Variants in SMARCAL1 observed in about 807,000 individuals in gnomAD.
SMARCAL1 encodes the protein SNF2 related chromatin remodeling annealing helicase 1.
SMARCAL1 carries 58 observed loss-of-function variants against 94.5 expected under a neutral mutation model. The observed-to-expected ratio is 0.61, with a 90% CI of 0.50 to 0.76. The LOEUF (loss-of-function observed/expected upper bound fraction) is 0.76. Ranked by LOEUF, SMARCAL1 falls within the 30% of genes least tolerant of loss-of-function variation. The pLI is 0.00. For synonymous variants in SMARCAL1, 422 were observed against 455.1 expected (o/e 0.93, Z 0.93); for missense variants, 1,051 against 1,177.9 (o/e 0.89, Z 1.58).
At chr2:216,448,909 A>G (rs1203615491) in intron 11 of SMARCAL1, among the ~76,000 whole-genome samples, 1 of 152,170 alleles carries the variant, frequency 6.6e-6, no homozygotes, top group Non-Finnish European at 1.5e-5. Context: ...GTTAAGAGCT[A>G]ACAATATTAG....
chr2:216,452,895 A>G (rs1399804882), intron 12 of SMARCAL1, among the ~76,000 whole-genome samples: 1 of 152,186 alleles, frequency 6.6e-6, no homozygotes, highest in African/African-American at 2.4e-5. Context: ...GATGCTATGA[A>G]ATTAACTAGG....
At position 216,415,141 on chromosome 2, in the gene SMARCAL1, G is replaced by A; in HGVS notation, c.437G>A (p.Gly146Asp). 6.2e-7 allele frequency: 1 copy of A among 1,612,812 alleles called. No individual in the cohort carries two copies. The highest frequency in any genetic ancestry group is 1.1e-5 in the South Asian group (1 of 91,048). The part of the protein sequence containing the change: ...QQLLSYELGQ[G>D]HAQASPEIRF... ...CTCTTGAGTTATGAGTTAGGTCAAG[G>A]TCATGCTCAGGCTTCACCTGAGATC... Residue 146 changes from glycine (G) to aspartate (D), a missense_variant, in exon 3 of 18, where the codon GGT becomes GAT. By Grantham distance (94) the Gly-to-Asp change is moderately conservative. Around this residue, in one of 3 missense-constraint regions of SMARCAL1, gnomAD observed 398 missense variants for 395.2 expected, o/e 1.01. Transcript: ENST00000357276.
Position 216,438,471 on chromosome 2 carries a change from A to C in SMARCAL1, c.1696A>C (p.Met566Leu), listed in dbSNP as rs776299636. 1.9e-6 allele frequency: 3 copies of C among 1,613,974 alleles called. No homozygotes were observed. Among genetic ancestry groups the C allele is most frequent in the Non-Finnish European group, 2.5e-6 (3 of 1,179,924 alleles). ...NSRTARCRAAMPVLKVAKRVI... is the reference protein window; with the variant it reads ...NSRTARCRAALPVLKVAKRVI... Reference sequence around the variant, plus strand: ...TAGGACTGCCCGCTGTCGAGCAGCTATGCCGGTCCTAAAGGTGAGTACTTC... The same window carrying C: ...TAGGACTGCCCGCTGTCGAGCAGCTCTGCCGGTCCTAAAGGTGAGTACTTC... The change falls in exon 10 of 18, where the codon ATG (methionine) becomes CTG (leucine). Residue 566 changes from methionine to leucine, a missense_variant. This residue lies in a region of SMARCAL1 where 642 missense variants were observed against 754.7 expected (regional missense o/e 0.85). Coordinates refer to ENST00000357276, the MANE Select transcript of SMARCAL1 (RefSeq NM_014140.4).
intron 12 of SMARCAL1, among the ~76,000 whole-genome samples, chr2:216,463,279 G>A (rs1694747481): frequency 6.6e-6 from 1 of 152,190 alleles, no homozygotes; most frequent in African/African-American, 2.4e-5. Context: ...CTTTTGTGCT[G>A]TAACAAAATA....
In SMARCAL1 at chr2:216,428,761, C is replaced by T; in HGVS notation, c.1313C>T (p.Pro438Leu). 1 of 1,614,126 alleles carries T rather than the reference C, an allele frequency of 6.2e-7. No individual in the cohort carries two copies. Among genetic ancestry groups the T allele is most frequent in the Non-Finnish European group, 8.5e-7 (1 of 1,179,986 alleles). ...CCCAAGCTCGTGTCTAATCTGATGC[C>T]CTTTCAGAGAGCTGGAGTCAAGTAG... ...VDPKLVSNLM[P>L]FQRAGVNFAI... Residue 438 changes from proline (P) to leucine (L), a missense_variant, in exon 7 of 18, where the codon CCC becomes CTC. This residue lies in a region of SMARCAL1 where 642 missense variants were observed against 754.7 expected (regional missense o/e 0.85). Transcript: ENST00000357276.
rs745722245 is a variant in SMARCAL1, at chr2:216,482,931, G to A, written c.2819G>A (p.Arg940Lys). 3.1e-6 allele frequency: 5 copies of A among 1,614,116 alleles called. No homozygotes were observed. The highest frequency in any genetic ancestry group is 4.5e-5 in the East Asian group (2 of 44,902). ...ACAGCCAGTCCACAGAAGAAAAGGA[G>A]ATTTGAATTTTTTGATAACTGGGAC... ...SLTASPQKKR[R>K]FEFFDNWDSF... The change falls in exon 18 of 18, where the codon AGA (arginine) becomes AAA (lysine). Residue 940 changes from arginine (R) to lysine (K), a missense_variant. Transcript: ENST00000357276. The surrounding 1 kb of genome is among the most constrained non-coding windows in gnomAD (Gnocchi z 4.3).
intron 12 of SMARCAL1, among the ~76,000 whole-genome samples, chr2:216,455,177 T>C (rs1360397842): frequency 6.6e-6 from 1 of 152,104 alleles, no homozygotes; most frequent in East Asian, 1.9e-4. Context: ...TTGCTGAGGC[T>C]TGAGTAGGTA....
chr2:216,455,745 G>T (rs1300053512), intron 12 of SMARCAL1, among the ~76,000 whole-genome samples: 2 of 152,164 alleles, frequency 1.3e-5, no homozygotes, highest in Non-Finnish European at 2.9e-5. Context: ...CCACAAAGAT[G>T]GGGAAAAAAC....
Position 216,414,827 on chromosome 2 carries a change from C to G in SMARCAL1, c.123C>G (p.Ser41=). The G allele has an allele frequency of 6.2e-7, 1 of 1,614,186 alleles. No individual in the cohort carries two copies. The highest frequency in any genetic ancestry group is 8.5e-7 in the Non-Finnish European group (1 of 1,180,028). ...EQHQRTSSGT[S]IAGNPFQAKQ... ...ATCAGAGGACTAGCTCGGGCACCTCCATTGCTGGCAACCCATTCCAGGCCA... is the reference window on the plus strand; with the variant it reads ...ATCAGAGGACTAGCTCGGGCACCTCGATTGCTGGCAACCCATTCCAGGCCA... The change falls in exon 3 of 18, where the codon TCC becomes TCG. Residue 41 remains serine (S), a synonymous_variant. Transcript: ENST00000357276.
intron 10 of SMARCAL1, among the ~76,000 whole-genome samples, chr2:216,444,318 C>T (rs528104192): frequency 1.3e-4 from 20 of 151,102 alleles, no homozygotes; most frequent in African/African-American, 4.4e-4. Flanking sequence ...GATTTTTTTC[C>T]TAGTCTAGGG....
At chr2:216,480,402 G>A (rs540861585) in intron 17 of SMARCAL1, among the ~76,000 whole-genome samples, 2 of 152,298 alleles carry the variant, frequency 1.3e-5, no homozygotes, top group East Asian at 1.9e-4. Context: ...TGCATGCCCC[G>A]AGTCAGCATA....
Position 216,447,046 on chromosome 2 carries a change from G to A in SMARCAL1, c.1739G>A (p.Gly580Asp). 6.2e-7 allele frequency: 1 copy of A among 1,613,696 alleles called. No homozygotes were observed. Among genetic ancestry groups the A allele is most frequent in the Non-Finnish European group, 8.5e-7 (1 of 1,179,962 alleles). Reference sequence around the variant, plus strand: ...GCCAAGAGGGTGATCCTGTTGTCGGGCACACCAGCCATGTCCCGGCCCGCA... The same window carrying A: ...GCCAAGAGGGTGATCCTGTTGTCGGACACACCAGCCATGTCCCGGCCCGCA... Reference protein sequence around the residue: ...KVAKRVILLSGTPAMSRPAEL... With the variant: ...KVAKRVILLSDTPAMSRPAEL... Residue 580 changes from glycine to aspartate, a missense_variant, in exon 11 of 18, where the codon GGC (glycine) becomes GAC (aspartate). This residue lies in a region of SMARCAL1 where 642 missense variants were observed against 754.7 expected (regional missense o/e 0.85). Coordinates refer to ENST00000357276, the MANE Select transcript of SMARCAL1 (RefSeq NM_014140.4).
chr2:216,415,277 G>A lies in SMARCAL1; in HGVS notation c.573G>A (p.Glu191=), dbSNP rs1421948727. Reference sequence around the variant, plus strand: ...AGCCTCCCAGGGATGCTAAGTTAGAGGCCAAGACAGCAAAAGCCTCCCCTT... The same window carrying A: ...AGCCTCCCAGGGATGCTAAGTTAGAAGCCAAGACAGCAAAAGCCTCCCCTT... ...SGQPPRDAKL[E]AKTAKASPSG... Residue 191 remains glutamate (E), a synonymous_variant, in exon 3 of 18, where the codon GAG becomes GAA. Coordinates refer to ENST00000357276, the MANE Select transcript of SMARCAL1 (RefSeq NM_014140.4). The A allele has an allele frequency of 1.9e-6, 3 of 1,614,116 alleles. No individual in the cohort carries two copies. The African/African-American group carries it at 4.0e-5, about 22-fold the overall frequency.
At chr2:216,478,339 G>T in intron 17 of SMARCAL1, 40 bp downstream of exon 17, 2 of 1,489,602 alleles carry the variant, frequency 1.3e-6, no homozygotes, top group Non-Finnish European at 1.9e-6. Context: ...GGAGCAGAGG[G>T]AGGCATTAAG....
Position 216,415,002 on chromosome 2 carries a change from A to C in SMARCAL1, c.298A>C (p.Lys100Gln). The change falls in exon 3 of 18, where the codon AAG (lysine) becomes CAG (glutamine). Residue 100 changes from lysine (K) to glutamine (Q), a missense_variant. Physicochemically the swap from Lys to Gln is moderately conservative, Grantham distance 53 (BLOSUM62 1). Around this residue, in one of 3 missense-constraint regions of SMARCAL1, gnomAD observed 398 missense variants for 395.2 expected, o/e 1.01. Transcript: ENST00000357276. Reference sequence around the variant, plus strand: ...TTTTCAGGCAAAGGGAATATGGAAAAAGCCAGAAGAAATGCCCACAGCCTG... The same window carrying C: ...TTTTCAGGCAAAGGGAATATGGAAACAGCCAGAAGAAATGCCCACAGCCTG... ...HSFQAKGIWKKPEEMPTACPG... is the reference protein window; with the variant it reads ...HSFQAKGIWKQPEEMPTACPG... The C allele has an allele frequency of 1.2e-6, 2 of 1,614,242 alleles. No homozygotes were observed. Among genetic ancestry groups the C allele is most frequent in the Non-Finnish European group, 1.7e-6 (2 of 1,180,048 alleles).
At chr2:216,476,651 C>A (rs1160957512) in intron 15 of SMARCAL1, among the ~76,000 whole-genome samples, 1 of 152,174 alleles carries the variant, frequency 6.6e-6, no homozygotes, top group East Asian at 1.9e-4. Context: ...TATATTAAAC[C>A]ACCACCCTAT....
chr2:216,470,307 C>T (rs769398106), intron 14 of SMARCAL1, among the ~76,000 whole-genome samples: 11 of 151,964 alleles, frequency 7.2e-5, no homozygotes, highest in Admixed American at 6.6e-5. Flanking sequence ...CACACCACCA[C>T]GCCCAGCTAA....
chr2:216,418,319 A>C (rs921019759), intron 4 of SMARCAL1, among the ~76,000 whole-genome samples: 1 of 152,234 alleles, frequency 6.6e-6, no homozygotes, highest in Non-Finnish European at 1.5e-5. Context: ...GAAGAGAAAA[A>C]AAATTCTCCA....
intron 10 of SMARCAL1, among the ~76,000 whole-genome samples, chr2:216,440,703 A>G (rs1156689952): frequency 6.6e-6 from 1 of 152,150 alleles, no homozygotes; most frequent in Non-Finnish European, 1.5e-5. Context: ...CGAACCTTTC[A>G]TCTCTGTCTT....
Sources: gnomAD v4.1 joint callset for allele counts (sites outside exome capture counted in the v4.1 genomes callset) on GRCh38, gnomAD v4.1.1 for gene constraint, gnomAD v4.1.1 regional missense constraint, Gnocchi (gnomAD v3.1) non-coding constraint, MANE v1.5 for transcripts, NCBI Gene and HGNC (gene_info 2026-07-23, HGNC 2026-07-21) for gene names.